The following LRP2 variants were observed in gnomAD, a reference collection of about 807,000 sequenced individuals.
LRP2 encodes LDL receptor related protein 2, also known as low-density lipoprotein receptor-related protein 2.
Under a neutral mutation model 531.0 loss-of-function variants are expected in LRP2, and 172 were observed. The observed-to-expected ratio is 0.32, with a 90% confidence interval of 0.29 to 0.37. The LOEUF (loss-of-function observed/expected upper bound fraction) is 0.37. LRP2 is among the 10% of genes least tolerant of loss of function. The probability of loss-of-function intolerance (pLI) is 1.00; values close to 1 mark genes in which losing one functional copy is unlikely to be tolerated. For synonymous variants in LRP2, 1,992 were observed against 2,027.6 expected, an observed-to-expected ratio of 0.98 and a Z score of 0.47; for missense variants, 5,167 against 5,868.3, an observed-to-expected ratio of 0.88 and a Z score of 3.90.
chr2:169,320,670 T>C, intron 2 of LRP2, 107 bp downstream of exon 2: 3 of 896,216 alleles, frequency 3.3e-6, no homozygotes, highest in Non-Finnish European at 3.7e-6. Context: ...GGCCCAGACC[T>C]GGCTCTGTCA....
intron 1 of LRP2, among the ~76,000 whole-genome samples, chr2:169,328,114 G>A (rs1444381984): frequency 4.3e-5 from 6 of 140,234 alleles, no homozygotes; most frequent in African/African-American, 1.3e-4. Flanking sequence ...GGTGAGGGGC[G>A]CCTCTGCCCA....
At chr2:169,198,417 A>T (rs147449864) in intron 45 of LRP2, among the ~76,000 whole-genome samples, 4 of 152,340 alleles carry the variant, frequency 2.6e-5, no homozygotes, top group East Asian at 1.9e-4. Context: ...GTCTGAAAAA[A>T]AAATAATTTT....
intron 63 of LRP2, among the ~76,000 whole-genome samples, chr2:169,157,855 AATAG>A (rs1248208933): frequency 1.3e-5 from 2 of 151,830 alleles, no homozygotes; most frequent in African/African-American, 2.4e-5. Flanking sequence ...TCCTATTGCA[AATAG>A]ATAGATCAAT....
At chr2:169,229,061 A>T (rs1689305564) in intron 31 of LRP2, among the ~76,000 whole-genome samples, 1 of 152,162 alleles carries the variant, frequency 6.6e-6, no homozygotes, top group Non-Finnish European at 1.5e-5. Context: ...ACATCTACAG[A>T]CCAGGTAGAG....
intron 16 of LRP2, among the ~76,000 whole-genome samples, chr2:169,261,624 T>A (rs1690557350): frequency 6.6e-6 from 1 of 150,572 alleles, no homozygotes; most frequent in Admixed American, 6.6e-5. Context: ...CCAAAAAGAG[T>A]CCAGGACCAG....
At chr2:169,174,209 A>G (rs1284140043) in intron 55 of LRP2, 45 bp from the exon 56 acceptor site, 1 of 1,613,234 alleles carries the variant, frequency 6.2e-7, no homozygotes, top group East Asian at 2.2e-5. Flanking sequence ...GGCATCAAGA[A>G]TGAAAGCTCC....
At position 169,203,714 on chromosome 2, in the gene LRP2, G is replaced by A. The variant is rs113444196; in HGVS notation, c.8005+268C>T. ...GGAGGTTGCAGTGAGCTGAGATCCC[G>A]CCACTGCACTCCAGCCTGGGCGACA... On this transcript the variant is annotated intron_variant, in intron 42 of 78. Coordinates refer to ENST00000649046, the MANE Select transcript of LRP2 (RefSeq NM_004525.3). 5.9e-3 allele frequency among the ~76,000 whole-genome samples: 892 copies of A among 152,280 alleles called. 13 individuals carry two copies. In the Middle Eastern group the frequency reaches 0.061, roughly 10 times the overall value.
chr2:169,217,583 C>G (rs1688844231), intron 34 of LRP2, among the ~76,000 whole-genome samples: 1 of 151,884 alleles, frequency 6.6e-6, no homozygotes, highest in Non-Finnish European at 1.5e-5. Context: ...GGTTTCTGCC[C>G]TTTTTTTTCT....
chr2:169,141,301 C>A (rs1685710539), intron 71 of LRP2, among the ~76,000 whole-genome samples: 1 of 152,236 alleles, frequency 6.6e-6, no homozygotes, highest in Non-Finnish European at 1.5e-5. Context: ...ACAATCCCCA[C>A]TCACCCCATC....
At position 169,239,660 on chromosome 2, in the gene LRP2, G is replaced by T. The variant is rs1689734135; in HGVS notation, c.4161C>A (p.Thr1387=). The T allele has an allele frequency of 1.5e-5, 25 of 1,613,914 alleles. No homozygotes were observed. In the African/African-American group the frequency reaches 2.0e-4, roughly 13 times the overall value. ...LGFLLANDSK[T]CEDIDECDIL... Reference sequence around the variant, plus strand: ...TATCACATTCATCTATGTCTTCACAGGTCTTAGAATCATTGGCAAGTAAGA... The same window carrying T: ...TATCACATTCATCTATGTCTTCACATGTCTTAGAATCATTGGCAAGTAAGA... The change falls in exon 26 of 79, where the codon ACC becomes ACA. Residue 1387 remains threonine, a synonymous_variant. Transcript: ENST00000649046.
intron 61 of LRP2, among the ~76,000 whole-genome samples, chr2:169,167,173 T>A (rs1209046085): frequency 6.6e-6 from 1 of 152,248 alleles, no homozygotes; most frequent in African/African-American, 2.4e-5. Context: ...CTTTGAAAGT[T>A]AAACATGTCT....
At chr2:169,313,877 C>A (rs1029289995) in intron 3 of LRP2, among the ~76,000 whole-genome samples, 5 of 152,180 alleles carry the variant, frequency 3.3e-5, no homozygotes, top group Admixed American at 2.0e-4. Flanking sequence ...CATATTGATT[C>A]ATGTTTTTGT....
intron 31 of LRP2, among the ~76,000 whole-genome samples, chr2:169,229,073 C>A (rs1220018901): frequency 6.6e-6 from 1 of 152,176 alleles, no homozygotes; most frequent in African/African-American, 2.4e-5. Context: ...CAGGTAGAGG[C>A]TTTATCCTCA....
At chr2:169,300,065 A>C (rs1357224442) in intron 4 of LRP2, among the ~76,000 whole-genome samples, 1 of 152,178 alleles carries the variant, frequency 6.6e-6, no homozygotes, top group Admixed American at 6.6e-5. Context: ...AATTAAATTA[A>C]AAGGTAAACA....
chr2:169,285,039 T>G (rs915147426), intron 9 of LRP2, among the ~76,000 whole-genome samples: 5 of 151,914 alleles, frequency 3.3e-5, no homozygotes, highest in African/African-American at 1.2e-4. Flanking sequence ...CCAGGCACAG[T>G]GGCTCACGCC....
In LRP2 at chr2:169,205,661, A is replaced by G. The variant is rs763657194; in HGVS notation, c.7557-24T>C. 2.4e-5 allele frequency: 38 copies of G among 1,610,142 alleles called. No homozygotes were observed. In the East Asian group the frequency reaches 8.5e-4, roughly 36 times the overall value. On this transcript the variant is annotated intron_variant, in intron 40 of 78. Coordinates refer to ENST00000649046, the MANE Select transcript of LRP2 (RefSeq NM_004525.3). ...ACCTAGTCATACAAAAGGAGTCAAT[A>G]ATTAATTCACAGGGAACCTCATAGT...
chr2:169,185,371 A>G (rs920363510), intron 50 of LRP2, 132 bp downstream of exon 50: 19 of 825,366 alleles, frequency 2.3e-5, no homozygotes, highest in South Asian at 3.3e-5. Context: ...CAAAGCAGAA[A>G]ATAAACCTGC....
intron 35 of LRP2, among the ~76,000 whole-genome samples, chr2:169,214,175 C>A (rs1389409258): frequency 1.3e-5 from 2 of 152,044 alleles, no homozygotes; most frequent in African/African-American, 4.8e-5. Flanking sequence ...ATATTCTGGT[C>A]AAGGATATAC....
chr2:169,361,377 C>CTCTCTCT lies in LRP2; in HGVS notation c.79+943_79+944insAGAGAGA, dbSNP rs1559092856. Among the ~76,000 whole-genome samples the CTCTCTCT allele has an allele frequency of 2.3e-3, 121 of 52,238 alleles. 8 individuals are homozygous for CTCTCTCT. Among genetic ancestry groups the CTCTCTCT allele is most frequent in the African/African-American group, 3.5e-3 (33 of 9,400 alleles). The allele number at this position is 52,238 out of a possible 152,430, so 34.3% of individuals were successfully genotyped here. ...CTCTCTCTCTCTCTCTCTCTCTCTC[C>CTCTCTCT]CTCTCTCTCTCTCTCTCTGTCTCTC... On this transcript the variant is annotated intron_variant, in intron 1 of 78. Coordinates refer to ENST00000649046, the MANE Select transcript of LRP2 (RefSeq NM_004525.3).
Sources: allele counts gnomAD v4.1 joint callset (sites outside exome capture counted in the v4.1 genomes callset), GRCh38; gene constraint gnomAD v4.1.1; transcripts MANE v1.5; gene names NCBI Gene and HGNC (gene_info 2026-07-23, HGNC 2026-07-21).